PCDHA8: variants seen among roughly 807,000 people sequenced by gnomAD.
PCDHA8 encodes protocadherin alpha-8.
A neutral mutation model predicts 61.8 loss-of-function variants in PCDHA8; 53 were observed. The observed-to-expected ratio is 0.86, with a 90% CI of 0.69 to 1.08. PCDHA8 has a LOEUF of 1.08. Among genes scored for constraint, PCDHA8 ranks in the 50% least tolerant of loss-of-function variants. The pLI, the probability that PCDHA8 is intolerant of heterozygous loss-of-function variation, is 0.00. For synonymous variants in PCDHA8, 618 were observed against 556.6 expected, an observed-to-expected ratio of 1.11 and a Z score of -1.55; for missense variants, 1,293 against 1,245.0, an observed-to-expected ratio of 1.04 and a Z score of -0.58.
chr5:140,923,339 A>C (rs1341190939), intron 1 of PCDHA8, among the ~76,000 whole-genome samples: 2 of 152,154 alleles, frequency 1.3e-5, no homozygotes, highest in Non-Finnish European at 2.9e-5. Context: ...CAGTTTGGGC[A>C]ACATAGTGGG....
chr5:140,962,787 C>T (rs2095707732), intron 1 of PCDHA8, among the ~76,000 whole-genome samples: 1 of 152,224 alleles, frequency 6.6e-6, no homozygotes, highest in Non-Finnish European at 1.5e-5. Context: ...TTTTTAAAAA[C>T]TACTTTGGAC....
At chr5:140,860,138 T>C (rs2046209991) in intron 1 of PCDHA8, 2 of 150,752 alleles carry the variant, frequency 1.3e-5, no homozygotes, top group Admixed American at 1.3e-4. Flanking sequence ...TGTGTGTATA[T>C]ATATGTATAT....
chr5:140,861,234 C>T (rs868927537), intron 1 of PCDHA8: 7 of 166,456 alleles, frequency 4.2e-5, no homozygotes, highest in Middle Eastern at 2.9e-3. Context: ...ATTTTAGCTG[C>T]TAGACAAAGT....
chr5:140,922,953 G>A (rs2081086867), intron 1 of PCDHA8, among the ~76,000 whole-genome samples: 1 of 152,168 alleles, frequency 6.6e-6, no homozygotes, highest in Non-Finnish European at 1.5e-5. Context: ...AATCCAGTTT[G>A]TCTTCAGCCA....
intron 3 of PCDHA8, among the ~76,000 whole-genome samples, chr5:140,992,100 A>G (rs1285742519): frequency 6.6e-6 from 1 of 151,526 alleles, no homozygotes; most frequent in African/African-American, 2.4e-5. Context: ...AAAGAGAATT[A>G]AGGTGAGATG....
intron 1 of PCDHA8, chr5:140,883,596 TG>T (rs1562791192): frequency 7.4e-6 from 12 of 1,613,794 alleles, no homozygotes; most frequent in Non-Finnish European, 1.0e-5. Context: ...AGCGTGTCGG[TG>T]GGGGTGGCCG....
At chr5:140,926,949 G>A in intron 1 of PCDHA8, 3 of 1,592,316 alleles carry the variant, frequency 1.9e-6, no homozygotes, top group Non-Finnish European at 2.6e-6. Context: ...GCGCTGCAGC[G>A]GGACAGCTCG....
chr5:140,944,316 T>G (rs140163712), intron 1 of PCDHA8, among the ~76,000 whole-genome samples: 1 of 151,958 alleles, frequency 6.6e-6, no homozygotes, highest in Non-Finnish European at 1.5e-5. Context: ...GCCTCCTGAG[T>G]AGCTGGGATT....
chr5:140,953,187 T>A (rs2094856489), intron 1 of PCDHA8, among the ~76,000 whole-genome samples: 1 of 152,148 alleles, frequency 6.6e-6, no homozygotes, highest in South Asian at 2.1e-4. Flanking sequence ...AGAATAAACT[T>A]GATTAGACTA....
chr5:140,927,921 G>A, intron 1 of PCDHA8: 2 of 1,614,194 alleles, frequency 1.2e-6, no homozygotes, highest in South Asian at 1.1e-5. Context: ...TGGACTTCCT[G>A]ACTCTTTCGA....
intron 1 of PCDHA8, chr5:140,861,660 G>A: frequency 3.7e-6 from 1 of 269,190 alleles, no homozygotes; most frequent in Non-Finnish European, 7.4e-6. Context: ...TCTGAAACGA[G>A]AGCTCTTGAT....
At position 140,842,993 on chromosome 5, in the gene PCDHA8, G is replaced by A. The variant is rs2150349485; in HGVS notation, c.1672G>A (p.Glu558Lys). The A allele has an allele frequency of 6.3e-7, 1 of 1,595,046 alleles. No individual in the cohort carries two copies. Residue 558 changes from glutamate (E) to lysine (K), a missense_variant, in exon 1 of 4, where the codon GAG becomes AAG. Transcript: ENST00000531613. ...NVTLQVFVLD[E>K]NDNAPALLEP... Reference sequence around the variant, plus strand: ...GACGCTGCAGGTGTTCGTGCTGGACGAGAATGACAACGCGCCGGCACTGCT... The same window carrying A: ...GACGCTGCAGGTGTTCGTGCTGGACAAGAATGACAACGCGCCGGCACTGCT...
chr5:140,908,270 G>A (rs1554193271), intron 1 of PCDHA8, among the ~76,000 whole-genome samples: 1 of 152,154 alleles, frequency 6.6e-6, no homozygotes, highest in African/African-American at 2.4e-5. Context: ...AACTCCCCAT[G>A]AGGCCATTGT....
At chr5:140,952,479 A>C (rs246034) in intron 1 of PCDHA8, among the ~76,000 whole-genome samples, 85,668 of 152,018 alleles carry the variant, frequency 0.56, 24,767 homozygotes, top group African/African-American at 0.69. Flanking sequence ...GGAAAGTGAC[A>C]TTTGCTCCAG....
chr5:140,952,658 C>T (rs2094779074), intron 1 of PCDHA8, among the ~76,000 whole-genome samples: 1 of 152,196 alleles, frequency 6.6e-6, no homozygotes. Flanking sequence ...TACCCAGTTC[C>T]AAAGTCACTT....
At chr5:140,944,046 G>A (rs782798105) in intron 1 of PCDHA8, among the ~76,000 whole-genome samples, 3 of 152,158 alleles carry the variant, frequency 2.0e-5, no homozygotes, top group Non-Finnish European at 4.4e-5. Context: ...AACCAGATTG[G>A]GATACAAAAA....
At chr5:140,918,279 G>A (rs1554198513) in intron 1 of PCDHA8, among the ~76,000 whole-genome samples, 1 of 152,078 alleles carries the variant, frequency 6.6e-6, no homozygotes, top group African/African-American at 2.4e-5. Context: ...TCAGATGTAG[G>A]AGCTTTTTGG....
At chr5:140,962,947 A>T (rs2153733915) in intron 1 of PCDHA8, among the ~76,000 whole-genome samples, 2 of 152,320 alleles carry the variant, frequency 1.3e-5, no homozygotes, top group Admixed American at 1.3e-4. Context: ...TCCATAAGAT[A>T]TGCTCTATCC....
Position 140,956,280 on chromosome 5 carries a change from G to A in PCDHA8, c.2395-22669G>A, listed in dbSNP as rs554735108. On this transcript the variant is annotated intron_variant, in intron 1 of 3. Coordinates refer to ENST00000531613, the MANE Select transcript of PCDHA8 (RefSeq NM_018911.3). ...GCCCATTCAGTGTGGTATTGGCTGT[G>A]GGTTTATCATATATATGGCTCTTAT... Among the ~76,000 whole-genome samples, 16 of 152,206 alleles carry A rather than the reference G, an allele frequency of 1.1e-4. No individual in the cohort carries two copies. In the South Asian group the frequency reaches 3.3e-3, roughly 32 times the overall value.
Sources: gnomAD v4.1 joint callset for allele counts (sites outside exome capture counted in the v4.1 genomes callset) on GRCh38, gnomAD v4.1.1 for gene constraint, MANE v1.5 for transcripts, NCBI Gene and HGNC (gene_info 2026-07-23, HGNC 2026-07-21) for gene names.